Variants in SMG6 observed in about 807,000 individuals in gnomAD.
SMG6 encodes the protein SMG6 nonsense mediated mRNA decay factor, also known as telomerase-binding protein EST1A.
Under a neutral mutation model 142.2 loss-of-function variants are expected in SMG6, and 66 were observed. The ratio of observed to expected loss-of-function variants is 0.46; its 90% CI spans 0.38 to 0.57. The LOEUF (loss-of-function observed/expected upper bound fraction) is 0.57, where lower values mean the gene tolerates loss of function less well. Ranked by LOEUF, SMG6 falls within the 20% of genes least tolerant of loss-of-function variation. SMG6 has a pLI of 0.00. For synonymous variants in SMG6, 779 were observed against 702.4 expected (o/e 1.11, Z -1.72); for missense variants, 1,793 against 1,832.0 (o/e 0.98, Z 0.39).
Position 2,303,649 on chromosome 17 carries a change from C to T in SMG6, c.72G>A (p.Pro24=), listed in dbSNP as rs1326478862. Reference sequence around the variant, plus strand: ...GCGACTCACCTCTGCTCCCGGCCTGCGGGGCCAGAGTAGCCAGGATCCCGC... The same window carrying T: ...GCGACTCACCTCTGCTCCCGGCCTGTGGGGCCAGAGTAGCCAGGATCCCGC... ...ELRGILATLA[P]QAGSRENMKE... is the part of the protein sequence containing the mutation. The change falls in exon 1 of 19, where the codon CCG becomes CCA. Residue 24 remains proline, a synonymous_variant. Transcript: ENST00000263073. 2.0e-6 allele frequency: 3 copies of T among 1,487,044 alleles called. No homozygotes were observed. The highest frequency in any genetic ancestry group is 2.9e-5 in the East Asian group (1 of 34,016). 92.1% of individuals were successfully genotyped at this position (1,487,044 alleles called of 1,614,324 possible).
chr17:2,174,178 CA>C (rs1414599247), intron 12 of SMG6, among the ~76,000 whole-genome samples: 1 of 152,144 alleles, frequency 6.6e-6, no homozygotes, highest in African/African-American at 2.4e-5. Flanking sequence ...AAGGGAGGAT[CA>C]CTTGAGGCCA....
At chr17:2,063,977 G>A (rs917014071) in intron 18 of SMG6, among the ~76,000 whole-genome samples, 8 of 152,130 alleles carry the variant, frequency 5.3e-5, no homozygotes, top group Non-Finnish European at 1.5e-5. Context: ...ATGCAAACCT[G>A]GTGGCAGGAC....
chr17:2,111,364 C>T (rs1047886894), intron 13 of SMG6, among the ~76,000 whole-genome samples: 7 of 152,138 alleles, frequency 4.6e-5, no homozygotes, highest in African/African-American at 1.7e-4. Context: ...AATATTTGAT[C>T]AGACTTGAAG....
Position 2,061,069 on chromosome 17 carries a change from G to A in SMG6, c.*423C>T, listed in dbSNP as rs2067759654. ...ACGACAGAGGTTCTGAAGATGAAAG[G>A]GAACTGTGATTTCACTGCATCTGAC... On this transcript the variant is annotated 3_prime_UTR_variant, in exon 19 of 19. Coordinates refer to ENST00000263073, the MANE Select transcript of SMG6 (RefSeq NM_017575.5). 1 of 167,764 alleles carries A rather than the reference G, an allele frequency of 6.0e-6. No homozygotes were observed. The highest frequency in any genetic ancestry group is 1.3e-5 in the Non-Finnish European group (1 of 76,326). The allele number at this position is 167,764 out of a possible 1,614,324, so 10.4% of individuals were successfully genotyped here.
intron 8 of SMG6, among the ~76,000 whole-genome samples, chr17:2,264,197 G>T (rs541410093): frequency 6.6e-6 from 1 of 152,208 alleles, no homozygotes; most frequent in African/African-American, 2.4e-5. Flanking sequence ...GGATCCTAAG[G>T]GACGATTTAT....
intron 10 of SMG6, chr17:2,236,078 A>C (rs527618539): frequency 1.3e-5 from 2 of 153,004 alleles, no homozygotes; most frequent in African/African-American, 4.8e-5. Context: ...CATATTGAAC[A>C]AACAGGGTAC....
chr17:2,221,993 C>T (rs1173299567), intron 10 of SMG6, among the ~76,000 whole-genome samples: 1 of 152,206 alleles, frequency 6.6e-6, no homozygotes, highest in African/African-American at 2.4e-5. Context: ...CACTGGCCTC[C>T]CAAAGAGCTG....
At chr17:2,193,286 G>C (rs6503321) in intron 10 of SMG6, among the ~76,000 whole-genome samples, 1 of 151,970 alleles carries the variant, frequency 6.6e-6, no homozygotes, top group African/African-American at 2.4e-5. Flanking sequence ...CTCCCCTTTC[G>C]CCTTCTGCCA....
At chr17:2,117,322 AG>A (rs2069539387) in intron 13 of SMG6, among the ~76,000 whole-genome samples, 1 of 151,920 alleles carries the variant, frequency 6.6e-6, no homozygotes, top group South Asian at 2.1e-4. Context: ...TATTAAGGCA[AG>A]AAAAAAAACG....
intron 6 of SMG6, among the ~76,000 whole-genome samples, chr17:2,291,133 C>T (rs2075022985): frequency 6.6e-6 from 1 of 152,112 alleles, no homozygotes; most frequent in African/African-American, 2.4e-5. Flanking sequence ...AGGTCGAGAC[C>T]ATCCTGGCTA....
intron 18 of SMG6, 109 bp from the exon 19 acceptor site, chr17:2,061,731 C>T (rs1445363117): frequency 1.4e-5 from 18 of 1,259,508 alleles, no homozygotes; most frequent in East Asian, 5.1e-5. Flanking sequence ...CCACGCTAGC[C>T]GTGTCTTGGC....
At chr17:2,113,323 G>A (rs937378799) in intron 13 of SMG6, among the ~76,000 whole-genome samples, 6 of 151,886 alleles carry the variant, frequency 4.0e-5, no homozygotes, top group African/African-American at 1.2e-4. Context: ...TGATCCACCC[G>A]CCTCGGCCTC....
chr17:2,082,034 C>T, intron 14 of SMG6, 78 bp from the exon 15 acceptor site: 2 of 1,490,346 alleles, frequency 1.3e-6, no homozygotes, highest in Admixed American at 3.4e-5. Flanking sequence ...CCAACATTGC[C>T]CTTGTGGCCC....
chr17:2,161,105 C>CA (rs1312598780), intron 13 of SMG6, among the ~76,000 whole-genome samples: 1 of 132,666 alleles, frequency 7.5e-6, no homozygotes, highest in Admixed American at 7.6e-5. Flanking sequence ...ATAACTGACC[C>CA]TTTTTTTTTT....
chr17:2,086,840 C>G (rs2068575500), intron 13 of SMG6, among the ~76,000 whole-genome samples: 1 of 152,168 alleles, frequency 6.6e-6, no homozygotes, highest in Non-Finnish European at 1.5e-5. Flanking sequence ...ATCCTCTTCT[C>G]CCTACTGGCT....
chr17:2,085,803 C>G lies in SMG6; in HGVS notation c.3456G>C (p.Lys1152Asn). Reference sequence around the variant, plus strand: ...CTGGGACGGGTGCCACTGACACATACTTTCCACCCTTGAATGCCAGCAGAG... The same window carrying G: ...CTGGGACGGGTGCCACTGACACATAGTTTCCACCCTTGAATGCCAGCAGAG... The part of the protein sequence containing the change: ...EEPLLAFKGG[K>N]YVSVAPVPDT... Residue 1152 changes from lysine to asparagine, a missense_variant, in exon 14 of 19, where the codon AAG (lysine) becomes AAC (asparagine). Around this residue, in one of 3 missense-constraint regions of SMG6, gnomAD observed 1,597 missense variants for 1,584.6 expected, o/e 1.01. Coordinates refer to ENST00000263073, the MANE Select transcript of SMG6 (RefSeq NM_017575.5). This position sits in a 1 kb window ranked among gnomAD's most constrained non-coding sequence, Gnocchi z 4.1. 6.2e-7 allele frequency: 1 copy of G among 1,614,156 alleles called. No homozygotes were observed. Among genetic ancestry groups the G allele is most frequent in the Admixed American group, 1.7e-5 (1 of 60,020 alleles).
intron 13 of SMG6, among the ~76,000 whole-genome samples, chr17:2,155,411 C>A (rs903780858): frequency 2.6e-5 from 4 of 152,104 alleles, no homozygotes; most frequent in African/African-American, 4.8e-5. Flanking sequence ...CATAAAGTAT[C>A]CATGTGAAAA....
At chr17:2,234,857 C>G (rs1284481397) in intron 10 of SMG6, among the ~76,000 whole-genome samples, 1 of 152,202 alleles carries the variant, frequency 6.6e-6, no homozygotes, top group Non-Finnish European at 1.5e-5. Flanking sequence ...CAGGTGCCCA[C>G]CACCAAGCAC....
chr17:2,168,486 T>C (rs1434620724), intron 13 of SMG6, among the ~76,000 whole-genome samples: 1 of 152,178 alleles, frequency 6.6e-6, no homozygotes, highest in Non-Finnish European at 1.5e-5. Flanking sequence ...CTAGGTCTGC[T>C]TTTGCAGATT....
Sources: gnomAD v4.1 joint callset for allele counts (sites outside exome capture counted in the v4.1 genomes callset) on GRCh38, gnomAD v4.1.1 for gene constraint, gnomAD v4.1.1 regional missense constraint, Gnocchi (gnomAD v3.1) non-coding constraint, MANE v1.5 for transcripts, NCBI Gene and HGNC (gene_info 2026-07-23, HGNC 2026-07-21) for gene names.